ZNF365: variants seen among roughly 807,000 people sequenced by gnomAD.
ZNF365 encodes the protein protein ZNF365.
Under a neutral mutation model 35.0 loss-of-function variants are expected in ZNF365, and 22 were observed. The observed-to-expected ratio is 0.63, with a 90% CI of 0.45 to 0.90. The LOEUF is 0.90. Ranked by LOEUF, ZNF365 falls within the 40% of genes least tolerant of loss-of-function variation. The pLI, the probability that ZNF365 is intolerant of heterozygous loss-of-function variation, is 0.00. For synonymous variants in ZNF365, 188 were observed against 196.2 expected, an observed-to-expected ratio of 0.96 and a Z score of 0.35; for missense variants, 448 against 500.3, an observed-to-expected ratio of 0.90 and a Z score of 1.00.
rs575299096 is a variant in ZNF365 at position 62,439,473 on chromosome 10, G to A, written c.925-20268G>A. On this transcript the variant is annotated intron_variant, in intron 3 of 4. Transcript: ENST00000395255. Reference sequence around the variant, plus strand: ...CAGCTAGGGATGGGATGTGTAGCTCGGTTTAGCCAATGAAGCATAGGGGAA... The same window carrying A: ...CAGCTAGGGATGGGATGTGTAGCTCAGTTTAGCCAATGAAGCATAGGGGAA... 2.0e-5 allele frequency among the ~76,000 whole-genome samples: 3 copies of A among 151,816 alleles called. No individual in the cohort carries two copies. The East Asian group carries it at 5.8e-4, about 29-fold the overall frequency.
At chr10:62,405,766 TTGC>T (rs1839895899), downstream of ZNF365, among the ~76,000 whole-genome samples, 1 of 152,214 alleles carries the variant, frequency 6.6e-6, no homozygotes, top group Non-Finnish European at 1.5e-5. Flanking sequence ...CATTGGTTGT[TTGC>T]TGACTAACAA....
intron 4 of ZNF365, chr10:62,459,869 G>C: frequency 7.1e-7 from 1 of 1,410,004 alleles, no homozygotes; most frequent in South Asian, 1.2e-5. Flanking sequence ...GTCCATATGA[G>C]AGAGACTGGA....
intron 4 of ZNF365, among the ~76,000 whole-genome samples, chr10:62,466,893 C>A (rs1051253582): frequency 6.6e-6 from 1 of 152,096 alleles, no homozygotes; most frequent in African/African-American, 2.4e-5. Flanking sequence ...CTTTGACCTT[C>A]CAGGCTCAAG....
At chr10:62,476,601 A>T (rs1442827341) in intron 4 of ZNF365, among the ~76,000 whole-genome samples, 1 of 152,226 alleles carries the variant, frequency 6.6e-6, no homozygotes, top group Non-Finnish European at 1.5e-5. Context: ...AGCTGTTAAG[A>T]CTAAGATCTT....
chr10:62,480,212 G>A (rs1226101471), exon 5 of ZNF365: 13 of 1,091,886 alleles, frequency 1.2e-5, no homozygotes, highest in Non-Finnish European at 1.4e-5. Context: ...GTCCCTATGA[G>A]ATAGAGTCAT....
intron 3 of ZNF365, among the ~76,000 whole-genome samples, chr10:62,445,681 G>A (rs1041467168): frequency 4.6e-5 from 7 of 152,180 alleles, no homozygotes; most frequent in Middle Eastern, 3.2e-3. Context: ...TGCTGGATAC[G>A]TGGGATTTGT....
Position 62,401,462 on chromosome 10 carries a change from A to G in ZNF365, c.*1673A>G. The G allele has an allele frequency of 1.0e-6, 1 of 970,392 alleles. No homozygotes were observed. Among genetic ancestry groups the G allele is most frequent in the Non-Finnish European group, 1.2e-6 (1 of 824,420 alleles). The allele number at this position is 970,392 out of a possible 1,614,324, so 60.1% of individuals were successfully genotyped here. On this transcript the variant is annotated 3_prime_UTR_variant, in exon 5 of 5. Transcript: ENST00000395254. ...CCTACCATAATGAAAATGTTCTTGAATCTTCACTTTGACTTTCAGTTTATG... is the reference window on the plus strand; with the variant it reads ...CCTACCATAATGAAAATGTTCTTGAGTCTTCACTTTGACTTTCAGTTTATG...
chr10:62,431,283 A>G (rs1397717039), intron 3 of ZNF365, among the ~76,000 whole-genome samples: 1 of 152,230 alleles, frequency 6.6e-6, no homozygotes, highest in Non-Finnish European at 1.5e-5. Context: ...TAAAAACAGT[A>G]CTTCTCTTGA....
chr10:62,397,308 C>A (rs530810401), intron 3 of ZNF365, among the ~76,000 whole-genome samples: 330 of 151,802 alleles, frequency 2.2e-3, no homozygotes, highest in African/African-American at 7.6e-3. Flanking sequence ...TTGCGGCTTG[C>A]TGCAGACAGA....
Position 62,402,389 on chromosome 10 carries a change from C to A in ZNF365, c.*2600C>A, listed in dbSNP as rs1185998874. 3.9e-5 allele frequency: 38 copies of A among 984,862 alleles called. No homozygotes were observed. Among genetic ancestry groups the A allele is most frequent in the Non-Finnish European group, 4.5e-5 (37 of 829,502 alleles). 61.0% of individuals were successfully genotyped at this position (984,862 alleles called of 1,614,324 possible). On this transcript the variant is annotated 3_prime_UTR_variant, in exon 5 of 5. Coordinates refer to ENST00000395254, the MANE Select transcript of ZNF365 (RefSeq NM_014951.3). ...GTACAGAAGTTGGAATATTCTGTTC[C>A]AGAATTAAAGAAGTTTTTAGATTAT...
rs142636763 is a variant in ZNF365, at chr10:62,417,045, A to C, written c.924+28469A>C. On this transcript the variant is annotated intron_variant, in intron 3 of 4. Transcript: ENST00000395255. ...TTTGTTAGCATAAGACTTACTGGAA[A>C]TAGTATTAAAATATATATTCCTTTT... Among the ~76,000 whole-genome samples, 44 of 152,236 alleles carry C rather than the reference A, an allele frequency of 2.9e-4. No individual in the cohort carries two copies. The East Asian group carries it at 8.1e-3, about 28-fold the overall frequency.
intron 3 of ZNF365, among the ~76,000 whole-genome samples, chr10:62,439,242 C>T (rs1378796940): frequency 6.6e-6 from 1 of 152,128 alleles, no homozygotes; most frequent in African/African-American, 2.4e-5. Context: ...TCTTTCTCTT[C>T]TCGGTCTCTG....
In ZNF365 at chr10:62,399,772, A is replaced by G. The variant is rs1839795055; in HGVS notation, c.1207A>G (p.Ile403Val). ...AATGGCTAAAAAAAAGCCAACAGCC[A>G]TTGTGAACATCATCTAAAAGGGTGG... is the stretch of plus-strand genomic sequence containing the variant. ...PKMAKKKPTA[I>V]VNII The change falls in exon 5 of 5, where the codon ATT (isoleucine) becomes GTT (valine). Residue 403 changes from isoleucine (I) to valine (V), a missense_variant. By Grantham distance (29) the Ile-to-Val change is conservative. Transcript: ENST00000395254. 1 of 1,613,072 alleles carries G rather than the reference A, an allele frequency of 6.2e-7. No homozygotes were observed. The highest frequency in any genetic ancestry group is 1.1e-5 in the South Asian group (1 of 91,050).
intron 3 of ZNF365, among the ~76,000 whole-genome samples, chr10:62,419,668 C>T (rs180976823): frequency 2.2e-4 from 34 of 152,232 alleles, no homozygotes; most frequent in African/African-American, 7.9e-4. Context: ...TTTGCAGCAA[C>T]AGCAAACAGT....
chr10:62,381,942 A>G (rs1387140678), intron 2 of ZNF365, among the ~76,000 whole-genome samples: 1 of 152,252 alleles, frequency 6.6e-6, no homozygotes, highest in African/African-American at 2.4e-5. Context: ...TTTGCTGAGC[A>G]GCAGATACTG....
chr10:62,400,061 G>A lies in ZNF365; in HGVS notation c.*272G>A, dbSNP rs1242722131. The A allele has an allele frequency of 9.4e-6, 11 of 1,173,246 alleles. No individual in the cohort carries two copies. The highest frequency in any genetic ancestry group is 1.2e-5 in the Non-Finnish European group (11 of 947,824). 72.7% of individuals were successfully genotyped at this position (1,173,246 alleles called of 1,614,324 possible). A position where few individuals can be genotyped will look rare whatever the true frequency, so the allele number is the denominator to read the frequency against. ...TAAAGCTCTAACTTCTAAAGTAACT[G>A]GCCCAGTCTCCAGTAATCTTGGCAT... On this transcript the variant is annotated 3_prime_UTR_variant, in exon 5 of 5. Transcript: ENST00000395254.
At chr10:62,395,504 A>ATTTTTTTTTTTTTT (rs67866839) in intron 3 of ZNF365, among the ~76,000 whole-genome samples, 1 of 98,462 alleles carries the variant, frequency 1.0e-5, no homozygotes, top group African/African-American at 3.8e-5. Flanking sequence ...CACCCGGCTA[A>ATTTTTTTTTTTTTT]TTTTTTTTTT....
chr10:62,462,913 T>C (rs1840871230), intron 4 of ZNF365, among the ~76,000 whole-genome samples: 1 of 152,232 alleles, frequency 6.6e-6, no homozygotes, highest in Admixed American at 6.5e-5. Context: ...CAGCTTGGGA[T>C]GGATATGTCC....
intron 3 of ZNF365, among the ~76,000 whole-genome samples, chr10:62,427,164 T>C (rs1248085085): frequency 2.0e-5 from 3 of 152,244 alleles, no homozygotes; most frequent in African/African-American, 7.2e-5. Context: ...GCTTTTTCTA[T>C]ACTATTTATC....
Sources: gnomAD v4.1 joint callset for allele counts (sites outside exome capture counted in the v4.1 genomes callset) on GRCh38, gnomAD v4.1.1 for gene constraint, MANE v1.5 for transcripts, NCBI Gene and HGNC (gene_info 2026-07-23, HGNC 2026-07-21) for gene names.